Variants in BBS9 observed in about 807,000 individuals in gnomAD.
BBS9 encodes the protein protein PTHB1.
BBS9 carries 89 observed loss-of-function variants against 117.7 expected under a neutral mutation model. The ratio of observed to expected loss-of-function variants is 0.76; its 90% CI spans 0.64 to 0.90. The LOEUF is 0.90. Among genes scored for constraint, BBS9 ranks in the 40% least tolerant of loss-of-function variants. The pLI, the probability that BBS9 is intolerant of heterozygous loss-of-function variation, is 0.00. For synonymous variants in BBS9, 379 were observed against 370.9 expected, an observed-to-expected ratio of 1.02 and a Z score of -0.25; for missense variants, 982 against 1,042.2, an observed-to-expected ratio of 0.94 and a Z score of 0.80.
At chr7:33,214,340 G>A (rs1788627653) in intron 5 of BBS9, among the ~76,000 whole-genome samples, 1 of 152,122 alleles carries the variant, frequency 6.6e-6, no homozygotes. Flanking sequence ...TCTACACTGG[G>A]GTATGAGGGA....
chr7:33,235,662 C>A (rs1227676610), intron 5 of BBS9, among the ~76,000 whole-genome samples: 1 of 151,984 alleles, frequency 6.6e-6, no homozygotes, highest in Non-Finnish European at 1.5e-5. Flanking sequence ...ACTTTTTTGT[C>A]CTTGACAAAA....
At chr7:33,580,039 T>C (rs1193283902) in intron 21 of BBS9, among the ~76,000 whole-genome samples, 1 of 152,152 alleles carries the variant, frequency 6.6e-6, no homozygotes, top group Admixed American at 6.6e-5. Flanking sequence ...GTCGACCACT[T>C]TTGTATGCCT....
intron 9 of BBS9, among the ~76,000 whole-genome samples, chr7:33,326,496 C>G (rs1198385547): frequency 1.3e-5 from 2 of 152,082 alleles, no homozygotes; most frequent in Admixed American, 1.3e-4. Flanking sequence ...CCAGCTGGTA[C>G]CTAAGCTGTA....
intron 20 of BBS9, 144 bp from the exon 21 acceptor site, chr7:33,533,810 C>G: frequency 1.0e-6 from 1 of 973,618 alleles, no homozygotes; most frequent in African/African-American, 1.6e-5. Context: ...CCAAACCAGC[C>G]TAGTCTGGAA....
intron 6 of BBS9, 34 bp downstream of exon 6, chr7:33,257,444 T>C: frequency 6.2e-7 from 1 of 1,603,948 alleles, no homozygotes; most frequent in Non-Finnish European, 8.5e-7. Context: ...AGAATCATGA[T>C]TTTTTGGTGC....
intron 19 of BBS9, among the ~76,000 whole-genome samples, chr7:33,474,447 A>G (rs1841513485): frequency 6.6e-6 from 1 of 152,158 alleles, no homozygotes; most frequent in Non-Finnish European, 1.5e-5. Flanking sequence ...CAGCTTCACT[A>G]TGGGAAAAAT....
At chr7:33,567,139 C>A (rs905614054) in intron 21 of BBS9, among the ~76,000 whole-genome samples, 2 of 152,174 alleles carry the variant, frequency 1.3e-5, no homozygotes, top group Non-Finnish European at 2.9e-5. Flanking sequence ...AGACTGTTCT[C>A]TATTAAATTT....
intron 4 of BBS9, among the ~76,000 whole-genome samples, chr7:33,168,002 G>T (rs1795961909): frequency 6.6e-6 from 1 of 152,092 alleles, no homozygotes; most frequent in Admixed American, 6.5e-5. Flanking sequence ...AGACATACTA[G>T]AATTTTAGAA....
chr7:33,554,669 C>T (rs1446627156), intron 21 of BBS9, among the ~76,000 whole-genome samples: 1 of 152,108 alleles, frequency 6.6e-6, no homozygotes, highest in African/African-American at 2.4e-5. Context: ...GCCTAGTTGG[C>T]ACCCAGTTGT....
intron 5 of BBS9, among the ~76,000 whole-genome samples, chr7:33,192,866 A>G (rs760271296): frequency 1.9e-4 from 29 of 152,326 alleles, no homozygotes; most frequent in Non-Finnish European, 3.7e-4. Flanking sequence ...ACTTCCCTCC[A>G]TTCTTTCACA....
intron 3 of BBS9, among the ~76,000 whole-genome samples, chr7:33,153,143 G>A (rs1282266966): frequency 1.3e-5 from 2 of 152,002 alleles, no homozygotes; most frequent in Non-Finnish European, 1.5e-5. Context: ...TAAATAAGAA[G>A]TATCTACTTA....
chr7:33,340,707 A>AT (rs1051739787), intron 10 of BBS9, among the ~76,000 whole-genome samples, 190 bp from the exon 11 acceptor site: 4 of 152,072 alleles, frequency 2.6e-5, no homozygotes, highest in African/African-American at 9.7e-5. Flanking sequence ...AAAAGACAAT[A>AT]TTTTTTACCA....
At chr7:33,572,739 C>T (rs1381560976) in intron 21 of BBS9, among the ~76,000 whole-genome samples, 4 of 151,952 alleles carry the variant, frequency 2.6e-5, no homozygotes, top group African/African-American at 9.7e-5. Context: ...ATTTGTATAC[C>T]TTCTTTGGAG....
intron 9 of BBS9, among the ~76,000 whole-genome samples, chr7:33,284,316 C>T (rs1391120054): frequency 6.6e-6 from 1 of 152,070 alleles, no homozygotes; most frequent in African/African-American, 2.4e-5. Context: ...GTACTTTCTG[C>T]TGTTTTTGGT....
intron 5 of BBS9, among the ~76,000 whole-genome samples, chr7:33,226,498 C>A (rs1391382405): frequency 6.6e-6 from 1 of 152,008 alleles, no homozygotes; most frequent in Non-Finnish European, 1.5e-5. Context: ...AATTAATACT[C>A]AAAACAATTA....
At chr7:33,142,801 C>T (rs1181363141) in intron 1 of BBS9, among the ~76,000 whole-genome samples, 1 of 152,172 alleles carries the variant, frequency 6.6e-6, no homozygotes, top group Non-Finnish European at 1.5e-5. Flanking sequence ...GGGTATACCA[C>T]ATTTTCTTTA....
chr7:33,595,570 C>T (rs769622772), intron 21 of BBS9, among the ~76,000 whole-genome samples: 13 of 152,212 alleles, frequency 8.5e-5, no homozygotes, highest in African/African-American at 3.1e-4. Flanking sequence ...AATAGGAACA[C>T]TTTTACACTG....
intron 4 of BBS9, among the ~76,000 whole-genome samples, chr7:33,174,286 G>A (rs759561324): frequency 5.3e-4 from 80 of 152,286 alleles, no homozygotes; most frequent in Non-Finnish European, 7.9e-4. Context: ...TCGCTTGGTC[G>A]CTCAGCTCTC....
intron 21 of BBS9, among the ~76,000 whole-genome samples, chr7:33,552,131 CTTTAT>C (rs887500077): frequency 1.1e-4 from 17 of 151,984 alleles, no homozygotes; most frequent in African/African-American, 3.6e-4. Flanking sequence ...ATTGTTTTAT[CTTTAT>C]TTTGAGTTTT....
Sources: gnomAD v4.1 joint callset for allele counts (sites outside exome capture counted in the v4.1 genomes callset) on GRCh38, gnomAD v4.1.1 for gene constraint, MANE v1.5 for transcripts, NCBI Gene and HGNC (gene_info 2026-07-23, HGNC 2026-07-21) for gene names.